The following USH2A variants were observed in gnomAD, a reference collection of about 807,000 sequenced individuals.
USH2A encodes the protein usherin, also known as Usher syndrome 2A (autosomal recessive, mild).
In USH2A, 443 loss-of-function variants were observed where a neutral mutation model predicts 538.9. That is an observed-to-expected ratio of 0.82 (90% CI 0.76 to 0.89). The LOEUF is 0.89. USH2A is among the 40% of genes least tolerant of loss of function. USH2A has a pLI of 0.00. For synonymous variants in USH2A, 2,413 were observed against 2,273.5 expected (o/e 1.06, Z -1.75); for missense variants, 6,633 against 6,324.8 (o/e 1.05, Z -1.65).
chr1:215,873,747 C>G (rs1022943431), intron 43 of USH2A, among the ~76,000 whole-genome samples: 8 of 144,220 alleles, frequency 5.5e-5, no homozygotes, highest in African/African-American at 2.1e-4. Flanking sequence ...AAATGTAATA[C>G]AATTAGTGGA....
chr1:215,898,804 G>A (rs185922391), intron 40 of USH2A, among the ~76,000 whole-genome samples: 1 of 152,212 alleles, frequency 6.6e-6, no homozygotes, highest in Non-Finnish European at 1.5e-5. Flanking sequence ...GGTGATCATG[G>A]TGTCCAGATT....
chr1:216,172,048 G>A (rs188765985), intron 21 of USH2A, among the ~76,000 whole-genome samples: 1 of 151,928 alleles, frequency 6.6e-6, no homozygotes, highest in Non-Finnish European at 1.5e-5. Context: ...TATTGACAGG[G>A]TTTATTTACA....
intron 21 of USH2A, among the ~76,000 whole-genome samples, chr1:216,171,219 A>G (rs1383483617): frequency 6.6e-6 from 1 of 152,008 alleles, no homozygotes; most frequent in Non-Finnish European, 1.5e-5. Context: ...TGCCATGATT[A>G]CAGCCTGTAT....
rs1038597110 is a variant in USH2A at position 216,048,584 on chromosome 1, G to C, written c.6113C>G (p.Ala2038Gly). Residue 2038 changes from alanine to glycine, a missense_variant, in exon 31 of 72, where the codon GCT becomes GGT. Transcript: ENST00000307340. ...TGCATGTGAGCTCTCAGTACAGCCA[G>C]CCAAAGTGCAAGCAGTTAGGGTTAC... is the stretch of plus-strand genomic sequence containing the variant. ...YAVTLTACTL[A>G]GCTESSHALN... The C allele has an allele frequency of 6.2e-7, 1 of 1,613,992 alleles. No individual in the cohort carries two copies. The highest frequency in any genetic ancestry group is 1.3e-5 in the African/African-American group (1 of 74,916).
At chr1:215,635,455 C>A (rs1276916171) in intron 69 of USH2A, among the ~76,000 whole-genome samples, 2 of 152,094 alleles carry the variant, frequency 1.3e-5, no homozygotes, top group African/African-American at 4.8e-5. Flanking sequence ...AAAAGTAGCT[C>A]ACATTTAACA....
intron 21 of USH2A, among the ~76,000 whole-genome samples, chr1:216,171,261 G>A (rs1182154086): frequency 6.6e-6 from 1 of 151,890 alleles, no homozygotes; most frequent in African/African-American, 2.4e-5. Flanking sequence ...AACATTCTAT[G>A]TTCACAGAAT....
chr1:216,000,545 G>A lies in USH2A; in HGVS notation c.6343C>T (p.Pro2115Ser), dbSNP rs2102483323. ...YIVTDLAVFTPHQFLLSACTH... is the reference protein window; with the variant it reads ...YIVTDLAVFTSHQFLLSACTH... ...CATGCACTTAGTAGAAACTGGTGGGGTGTAAATACTGCTAAATCTAGGGGA... is the reference window on the plus strand; with the variant it reads ...CATGCACTTAGTAGAAACTGGTGGGATGTAAATACTGCTAAATCTAGGGGA... Residue 2115 changes from proline to serine, a missense_variant, in exon 33 of 72, where the codon CCC (proline) becomes TCC (serine). By Grantham distance (74) the Pro-to-Ser change is moderately conservative (BLOSUM62 -1). Coordinates refer to ENST00000307340, the MANE Select transcript of USH2A (RefSeq NM_206933.4). 6.2e-7 allele frequency: 1 copy of A among 1,613,472 alleles called. No homozygotes were observed. Among genetic ancestry groups the A allele is most frequent in the African/African-American group, 1.3e-5 (1 of 74,986 alleles).
At chr1:215,900,648 A>G in intron 39 of USH2A, 107 bp downstream of exon 39, 1 of 1,445,600 alleles carries the variant, frequency 6.9e-7, no homozygotes, top group African/African-American at 1.4e-5. Flanking sequence ...TTGTACTTTT[A>G]AAAGGTAACC....
chr1:216,357,448 C>T (rs377274733), intron 4 of USH2A, among the ~76,000 whole-genome samples: 49 of 152,040 alleles, frequency 3.2e-4, no homozygotes, highest in African/African-American at 1.1e-3. Flanking sequence ...AATGTGAACC[C>T]ATGGGAAACT....
intron 63 of USH2A, 127 bp downstream of exon 63, chr1:215,673,973 A>G (rs1657906368): frequency 1.3e-6 from 2 of 1,524,568 alleles, no homozygotes; most frequent in South Asian, 2.3e-5. Context: ...ATGCACGTTT[A>G]GGTGGATGGA....
chr1:216,123,466 T>A (rs2102596333), intron 21 of USH2A, among the ~76,000 whole-genome samples: 1 of 152,338 alleles, frequency 6.6e-6, no homozygotes, highest in Admixed American at 6.5e-5. Context: ...TTCCAAGAGC[T>A]GTTGCAATTG....
chr1:215,914,990 A>C (rs1665915791), intron 38 of USH2A, among the ~76,000 whole-genome samples: 1 of 152,166 alleles, frequency 6.6e-6, no homozygotes, highest in Admixed American at 6.5e-5. Context: ...AAACATAAGC[A>C]CACTACAATG....
intron 44 of USH2A, among the ~76,000 whole-genome samples, chr1:215,862,771 T>C (rs933143338): frequency 1.3e-5 from 2 of 152,186 alleles, no homozygotes; most frequent in African/African-American, 4.8e-5. Flanking sequence ...CTTAACAGAT[T>C]TCAGGGCAGT....
At chr1:216,073,064 T>C (rs780135269) in intron 28 of USH2A, 33 bp downstream of exon 28, 3 of 1,613,422 alleles carry the variant, frequency 1.9e-6, no homozygotes, top group Admixed American at 1.7e-5. Flanking sequence ...ATAAGAGACA[T>C]GTAACATTTA....
chr1:215,782,011 T>C (rs1394045869), intron 54 of USH2A, 31 bp downstream of exon 54: 5 of 1,612,774 alleles, frequency 3.1e-6, no homozygotes, highest in East Asian at 2.2e-5. Flanking sequence ...ACTGAACCCC[T>C]TTTCCCAGAG....
At position 216,289,293 on chromosome 1, in the gene USH2A, A is replaced by C; in HGVS notation, c.1958T>G (p.Ile653Ser). ...CDTVGTRNGS[I>S]LCDQIGGQCN... ...AGAAAAACTCACCTGATCACAAAGA[A>C]TGCTACCATTTCTAGTGCCAACTGT... Residue 653 changes from isoleucine (I) to serine (S), a missense_variant, in exon 11 of 72, where the codon ATT becomes AGT. Transcript: ENST00000307340. 1 of 1,613,888 alleles carries C rather than the reference A, an allele frequency of 6.2e-7. No homozygotes were observed. Among genetic ancestry groups the C allele is most frequent in the Non-Finnish European group, 8.5e-7 (1 of 1,179,810 alleles).
chr1:215,642,560 T>G (rs1656721087), intron 67 of USH2A, among the ~76,000 whole-genome samples: 1 of 152,198 alleles, frequency 6.6e-6, no homozygotes, highest in East Asian at 1.9e-4. Context: ...AAAAATTAAA[T>G]TATATAAACT....
intron 70 of USH2A, among the ~76,000 whole-genome samples, chr1:215,632,577 T>G (rs1656317559): frequency 6.6e-6 from 1 of 152,174 alleles, no homozygotes; most frequent in African/African-American, 2.4e-5. Flanking sequence ...TGCTGGTATG[T>G]GGGTACACTT....
chr1:215,875,585 A>T (rs934167281), intron 43 of USH2A, among the ~76,000 whole-genome samples: 1 of 152,072 alleles, frequency 6.6e-6, no homozygotes, highest in Admixed American at 6.6e-5. Context: ...ATTCATAACT[A>T]ACTTCATGGC....
Sources: allele counts gnomAD v4.1 joint callset (sites outside exome capture counted in the v4.1 genomes callset), GRCh38; gene constraint gnomAD v4.1.1; transcripts MANE v1.5; gene names NCBI Gene and HGNC (gene_info 2026-07-23, HGNC 2026-07-21).